The following PPP2R2A variants were observed in gnomAD, a reference collection of about 807,000 sequenced individuals.
PPP2R2A encodes the protein protein phosphatase 2 regulatory subunit Balpha, also known as serine/threonine-protein phosphatase 2A 55 kDa regulatory subunit B alpha isoform.
A neutral mutation model predicts 53.2 loss-of-function variants in PPP2R2A; 9 were observed. The observed-to-expected ratio is 0.17, with a 90% CI of 0.10 to 0.30. The LOEUF (loss-of-function observed/expected upper bound fraction) is 0.30. Among genes scored for constraint, PPP2R2A ranks in the 10% least tolerant of loss-of-function variants. The probability of loss-of-function intolerance (pLI) is 1.00; values close to 1 mark genes in which losing one functional copy is unlikely to be tolerated. For synonymous variants in PPP2R2A, 169 were observed against 174.2 expected (o/e 0.97, Z 0.23); for missense variants, 235 against 534.6 (o/e 0.44, Z 5.53).
intron 1 of PPP2R2A, chr8:26,292,226 T>TC (rs3840703): frequency 0.038 from 39,893 of 1,053,994 alleles, 1,176 homozygotes; most frequent in East Asian, 0.23. Context: ...TTTCTATTTT[T>TC]CCCCCTGCTG....
intron 2 of PPP2R2A, among the ~76,000 whole-genome samples, chr8:26,331,598 T>C (rs1037350305): frequency 2.0e-5 from 3 of 152,192 alleles, no homozygotes; most frequent in Non-Finnish European, 2.9e-5. Context: ...TCAAATGTTA[T>C]TTGTAGAAAG....
At chr8:26,355,628 G>T (rs1252221361) in intron 4 of PPP2R2A, among the ~76,000 whole-genome samples, 1 of 152,138 alleles carries the variant, frequency 6.6e-6, no homozygotes, top group Non-Finnish European at 1.5e-5. Context: ...ACTTTAGGAG[G>T]CTGAGGCGGG....
chr8:26,299,887 G>A (rs1004713540), intron 2 of PPP2R2A, among the ~76,000 whole-genome samples: 14 of 152,048 alleles, frequency 9.2e-5, no homozygotes, highest in East Asian at 1.9e-4. Context: ...GCTGTATTCC[G>A]AAACCTAATG....
intron 3 of PPP2R2A, chr8:26,340,061 G>C (rs1344622557): frequency 6.6e-6 from 1 of 151,784 alleles, no homozygotes; most frequent in Middle Eastern, 3.4e-3. Context: ...TATTTTTTTC[G>C]TTTGGAAGAA....
In PPP2R2A at chr8:26,306,430, C is replaced by T. The variant is rs77530166; in HGVS notation, c.82+12690C>T. On this transcript the variant is annotated intron_variant, in intron 2 of 9. Transcript: ENST00000380737. ...GGCAAATGTTGCAGTGAGCAAAGAT[C>T]GCGCCACTGTACTGCAGCCTGGGTG... is the stretch of plus-strand genomic sequence containing the variant. 2.0e-5 allele frequency among the ~76,000 whole-genome samples: 3 copies of T among 147,216 alleles called. No homozygotes were observed. In the East Asian group the frequency reaches 6.0e-4, roughly 29 times the overall value.
chr8:26,359,898 T>G (rs1804991354), intron 4 of PPP2R2A, among the ~76,000 whole-genome samples: 1 of 152,206 alleles, frequency 6.6e-6, no homozygotes, highest in Non-Finnish European at 1.5e-5. Context: ...CCCTCTAGCT[T>G]TAATTACTTT....
intron 2 of PPP2R2A, among the ~76,000 whole-genome samples, chr8:26,301,789 G>C (rs1801802725): frequency 6.6e-6 from 1 of 152,198 alleles, no homozygotes; most frequent in Non-Finnish European, 1.5e-5. Context: ...TATTTTCACA[G>C]TAGTACTCAG....
intron 2 of PPP2R2A, among the ~76,000 whole-genome samples, chr8:26,312,680 A>G (rs968063221): frequency 3.3e-5 from 5 of 152,168 alleles, no homozygotes; most frequent in South Asian, 2.1e-4. Context: ...TTGTATTTCA[A>G]TTTCAAGTTT....
chr8:26,300,224 C>G (rs1362319083), intron 2 of PPP2R2A, among the ~76,000 whole-genome samples: 1 of 152,034 alleles, frequency 6.6e-6, no homozygotes, highest in African/African-American at 2.4e-5. Context: ...TTTCTTAGTA[C>G]TCTGTAATAG....
Position 26,354,292 on chromosome 8 carries a change from A to T in PPP2R2A, c.181-176A>T. On this transcript the variant is annotated intron_variant, in intron 3 of 9. Coordinates refer to ENST00000380737, the MANE Select transcript of PPP2R2A (RefSeq NM_002717.4). This position sits in a 1 kb window ranked among gnomAD's most constrained non-coding sequence, Gnocchi z 4.6. Reference sequence around the variant, plus strand: ...CTTTATTTAGCCTTTTCCCCCGTTAAGTTTTCTCATTTAATCCTTGAAGGC... The same window carrying T: ...CTTTATTTAGCCTTTTCCCCCGTTATGTTTTCTCATTTAATCCTTGAAGGC... 2.5e-6 allele frequency: 1 copy of T among 401,348 alleles called. No individual in the cohort carries two copies. The highest frequency in any genetic ancestry group is 4.2e-6 in the Non-Finnish European group (1 of 235,332). The allele number at this position is 401,348 out of a possible 1,614,324, so 24.9% of individuals were successfully genotyped here.
chr8:26,339,199 T>A (rs1803814670), intron 3 of PPP2R2A, among the ~76,000 whole-genome samples: 1 of 152,216 alleles, frequency 6.6e-6, no homozygotes, highest in African/African-American at 2.4e-5. Context: ...TTTAAAAACA[T>A]AACACTAATT....
At chr8:26,318,830 C>T (rs1385418803) in intron 2 of PPP2R2A, among the ~76,000 whole-genome samples, 1 of 152,082 alleles carries the variant, frequency 6.6e-6, no homozygotes, top group East Asian at 1.9e-4. Context: ...TGCCTTGGGA[C>T]TTTTTATGTG....
rs1802834050 is a variant in PPP2R2A, at chr8:26,321,415, G to A, written c.83-17475G>A. 2.0e-5 allele frequency among the ~76,000 whole-genome samples: 3 copies of A among 152,296 alleles called. No individual in the cohort carries two copies. The South Asian group carries it at 6.2e-4, about 32-fold the overall frequency. ...TGGCCCCAGTGATCCCTGGCTTCTG[G>A]TATTTATGTCTCTGTGTAACCTTGT... On this transcript the variant is annotated intron_variant, in intron 2 of 9. Transcript: ENST00000380737. The surrounding 1 kb of genome is among the most constrained non-coding windows in gnomAD (Gnocchi z 4.1).
chr8:26,313,067 C>G (rs1294091222), intron 2 of PPP2R2A, among the ~76,000 whole-genome samples: 1 of 137,716 alleles, frequency 7.3e-6, no homozygotes, highest in East Asian at 2.1e-4. Flanking sequence ...GAGATGAAAT[C>G]TTGTTCTGTC....
rs1045585405 is a variant in PPP2R2A at position 26,321,203 on chromosome 8, C to A, written c.83-17687C>A. ...AAGTGACAGGACCTACTTTGAATAG[C>A]CAGAGTTAGAATTGAAGGGGGAGCC... is the stretch of plus-strand genomic sequence containing the variant. On this transcript the variant is annotated intron_variant, in intron 2 of 9. Transcript: ENST00000380737. The surrounding 1 kb of genome is among the most constrained non-coding windows in gnomAD (Gnocchi z 4.1). Among the ~76,000 whole-genome samples, 1 of 152,114 alleles carries A rather than the reference C, an allele frequency of 6.6e-6. No individual in the cohort carries two copies. The highest frequency in any genetic ancestry group is 1.5e-5 in the Non-Finnish European group (1 of 68,022).
chr8:26,337,621 T>C (rs1468501031), intron 2 of PPP2R2A, among the ~76,000 whole-genome samples: 2 of 152,238 alleles, frequency 1.3e-5, no homozygotes, highest in Non-Finnish European at 2.9e-5. Context: ...GTATATTCAG[T>C]TTTACGCCTT....
At chr8:26,358,878 A>G (rs1196109088) in intron 4 of PPP2R2A, 3 of 455,324 alleles carry the variant, frequency 6.6e-6, no homozygotes, top group African/African-American at 2.0e-5. Context: ...TCTTCCCTAC[A>G]GGGAGTATAA....
intron 2 of PPP2R2A, among the ~76,000 whole-genome samples, chr8:26,306,839 A>G (rs1219342730): frequency 6.6e-6 from 1 of 152,156 alleles, no homozygotes; most frequent in African/African-American, 2.4e-5. Context: ...AAAAATTAAT[A>G]CATATATAGA....
At chr8:26,306,456 A>G (rs946739907) in intron 2 of PPP2R2A, among the ~76,000 whole-genome samples, 47 of 146,950 alleles carry the variant, frequency 3.2e-4, no homozygotes, top group Non-Finnish European at 8.9e-5. Flanking sequence ...AGCCTGGGTG[A>G]CAGAGCGAGA....
Sources: allele counts gnomAD v4.1 joint callset (sites outside exome capture counted in the v4.1 genomes callset), GRCh38; gene constraint gnomAD v4.1.1; non-coding constraint Gnocchi (gnomAD v3.1); transcripts MANE v1.5; gene names NCBI Gene and HGNC (gene_info 2026-07-23, HGNC 2026-07-21).